The following DNAH7 variants were observed in gnomAD, a reference collection of about 807,000 sequenced individuals.
The protein encoded by DNAH7 is dynein axonemal heavy chain 7.
Under a neutral mutation model 444.6 loss-of-function variants are expected in DNAH7, and 397 were observed. That is an observed-to-expected ratio of 0.89 (90% CI 0.82 to 0.97). DNAH7 has a LOEUF of 0.97. Ranked by LOEUF, DNAH7 falls within the 50% of genes least tolerant of loss-of-function variation. The pLI, the probability that DNAH7 is intolerant of heterozygous loss-of-function variation, is 0.00. For synonymous variants in DNAH7, 1,636 were observed against 1,624.4 expected, an observed-to-expected ratio of 1.01 and a Z score of -0.17; for missense variants, 4,902 against 4,800.8, an observed-to-expected ratio of 1.02 and a Z score of -0.62.
chr2:195,792,730 A>G (rs777781862), intron 57 of DNAH7, among the ~76,000 whole-genome samples: 2 of 152,152 alleles, frequency 1.3e-5, no homozygotes, highest in Non-Finnish European at 2.9e-5. Flanking sequence ...TTACACCAAA[A>G]AAATGTAATG....
chr2:195,804,998 T>C (rs1030382300), intron 54 of DNAH7, among the ~76,000 whole-genome samples: 2 of 151,966 alleles, frequency 1.3e-5, no homozygotes, highest in African/African-American at 4.8e-5. Flanking sequence ...ACAAAAAACA[T>C]ACAAACCAAC....
In DNAH7 at chr2:195,936,753, G is replaced by GC. The variant is rs1689081180; in HGVS notation, c.3117dup (p.Leu1040AlafsTer8). 3.8e-6 allele frequency: 6 copies of GC among 1,590,448 alleles called. No individual in the cohort carries two copies. Among genetic ancestry groups the GC allele is most frequent in the Non-Finnish European group, 4.3e-6 (5 of 1,170,680 alleles). ...TCATTAGATTTTTTCAGCCTTTCCA[G>GC]CATTCTGTCAATGGTTACAACTGTC... On this transcript the variant is annotated frameshift_variant, in exon 20 of 65. Coordinates refer to ENST00000312428, the MANE Select transcript of DNAH7 (RefSeq NM_018897.3). LOFTEE classifies it high-confidence loss of function.
intron 46 of DNAH7, among the ~76,000 whole-genome samples, chr2:195,850,377 A>G (rs1699288550): frequency 1.3e-5 from 2 of 152,140 alleles, no homozygotes; most frequent in African/African-American, 4.8e-5. Flanking sequence ...AACACCATTA[A>G]AACAGTTTCT....
At chr2:196,009,637 A>C (rs1208967216) in intron 10 of DNAH7, among the ~76,000 whole-genome samples, 1 of 152,222 alleles carries the variant, frequency 6.6e-6, no homozygotes, top group Non-Finnish European at 1.5e-5. Context: ...CTAAAAGCAC[A>C]GGCAAGAAGG....
intron 7 of DNAH7, among the ~76,000 whole-genome samples, chr2:196,026,376 T>G (rs1252723065): frequency 6.6e-6 from 1 of 152,160 alleles, no homozygotes; most frequent in Non-Finnish European, 1.5e-5. Flanking sequence ...TATTTAAATA[T>G]GTATGTCTTG....
intron 12 of DNAH7, among the ~76,000 whole-genome samples, chr2:195,992,893 A>G (rs770642679): frequency 5.3e-5 from 8 of 152,150 alleles, no homozygotes; most frequent in African/African-American, 7.2e-5. Context: ...CCTTGGTCCA[A>G]CTCATTCCTT....
At chr2:195,859,370 A>G (rs1178922294) in intron 42 of DNAH7, among the ~76,000 whole-genome samples, 1 of 152,208 alleles carries the variant, frequency 6.6e-6, no homozygotes, top group Non-Finnish European at 1.5e-5. Flanking sequence ...TTATAAAGTA[A>G]TAACAAATGA....
At chr2:196,021,433 C>T (rs541207779) in intron 8 of DNAH7, among the ~76,000 whole-genome samples, 10 of 152,196 alleles carry the variant, frequency 6.6e-5, no homozygotes, top group Middle Eastern at 3.4e-3. Context: ...CAATTAAGCA[C>T]GTCACACAAA....
intron 40 of DNAH7, among the ~76,000 whole-genome samples, chr2:195,865,893 T>C (rs1345564042): frequency 6.6e-6 from 1 of 152,206 alleles, no homozygotes; most frequent in Non-Finnish European, 1.5e-5. Context: ...TCTCTGGTTC[T>C]TGTTTCTGTT....
In DNAH7 at chr2:195,980,793, A is replaced by G. The variant is rs184404836; in HGVS notation, c.1833+3839T>C. On this transcript the variant is annotated intron_variant, in intron 15 of 64. Transcript: ENST00000312428. ...GATTGATGCTAAAAAAGCATTTTAT[A>G]AAATTCAACATTGCTTCATGATAAA... Among the ~76,000 whole-genome samples the G allele has an allele frequency of 1.5e-3, 228 of 150,862 alleles. 1 individual carries two copies. Among genetic ancestry groups the G allele is most frequent in the African/African-American group, 5.2e-3 (209 of 40,378 alleles).
chr2:195,972,027 G>A (rs1277549345), intron 16 of DNAH7, among the ~76,000 whole-genome samples: 1 of 151,648 alleles, frequency 6.6e-6, no homozygotes. Context: ...ACTGCATATT[G>A]ATCAATATAC....
chr2:195,922,256 C>G, intron 23 of DNAH7, 59 bp from the exon 24 acceptor site: 2 of 1,035,608 alleles, frequency 1.9e-6, no homozygotes, highest in Non-Finnish European at 3.0e-6. Context: ...TATGAAATCT[C>G]AAGCTCTTTA....
At chr2:195,897,588 G>T in intron 29 of DNAH7, 79 bp downstream of exon 29, 2 of 756,908 alleles carry the variant, frequency 2.6e-6, no homozygotes, top group Non-Finnish European at 4.4e-6. Context: ...TTTCCATAGT[G>T]GGAGCTTCAC....
chr2:196,042,958 C>A (rs1311734188), intron 5 of DNAH7, among the ~76,000 whole-genome samples: 2 of 151,916 alleles, frequency 1.3e-5, no homozygotes, highest in East Asian at 1.9e-4. Flanking sequence ...CATGAATAAA[C>A]CTCAGAAATA....
At chr2:195,942,478 G>C (rs954530857) in intron 19 of DNAH7, among the ~76,000 whole-genome samples, 1 of 151,232 alleles carries the variant, frequency 6.6e-6, no homozygotes, top group African/African-American at 2.4e-5. Context: ...AAGAGGAGGA[G>C]GAAGGAGGAA....
intron 40 of DNAH7, among the ~76,000 whole-genome samples, chr2:195,866,937 A>C (rs1700376885): frequency 6.6e-6 from 1 of 152,066 alleles, no homozygotes; most frequent in Non-Finnish European, 1.5e-5. Context: ...TAAAAAGGGG[A>C]GTTTCCCTGC....
chr2:195,919,108 G>C (rs897591758), intron 24 of DNAH7, among the ~76,000 whole-genome samples: 1 of 151,840 alleles, frequency 6.6e-6, no homozygotes, highest in African/African-American at 2.4e-5. Flanking sequence ...AAAATAGCTG[G>C]GTGTGGTGGT....
chr2:195,855,916 ACCAT>A lies in DNAH7; in HGVS notation c.8486_8489del (p.Asp2829ValfsTer25). On this transcript the variant is annotated frameshift_variant, in exon 45 of 65. Transcript: ENST00000312428. LOFTEE classifies it high-confidence loss of function. ...TAAGGGCTGCCTGCTTCTTTCTAAG[ACCAT>A]CCATGGCAATTTTAAGCTCCCCTTC... 6.2e-7 allele frequency: 1 copy of A among 1,613,972 alleles called. No homozygotes were observed. Among genetic ancestry groups the A allele is most frequent in the Non-Finnish European group, 8.5e-7 (1 of 1,179,948 alleles).
chr2:195,794,545 G>C lies in DNAH7; in HGVS notation c.10516-7C>G, dbSNP rs1459945795. ...TTGACTCTGGGCTTAACTCCTGTAA[G>C]AAAATAAATCAGATACAAAAGAGTA... On this transcript the variant is annotated splice_region_variant and splice_polypyrimidine_tract_variant and intron_variant, in intron 56 of 64. Transcript: ENST00000312428. 6.2e-7 allele frequency: 1 copy of C among 1,613,262 alleles called. No individual in the cohort carries two copies. Among genetic ancestry groups the C allele is most frequent in the Admixed American group, 1.7e-5 (1 of 60,004 alleles).
Sources: allele counts gnomAD v4.1 joint callset (sites outside exome capture counted in the v4.1 genomes callset), GRCh38; gene constraint gnomAD v4.1.1; transcripts MANE v1.5; gene names NCBI Gene and HGNC (gene_info 2026-07-23, HGNC 2026-07-21).